The following PRR5L variants were observed in gnomAD, a reference collection of about 807,000 sequenced individuals.
PRR5L encodes the protein proline-rich protein 5-like.
In PRR5L, 21 loss-of-function variants were observed where a neutral mutation model predicts 36.4. The ratio of observed to expected loss-of-function variants is 0.58; its 90% CI spans 0.41 to 0.83. The LOEUF is 0.83. Ranked by LOEUF, PRR5L falls within the 40% of genes least tolerant of loss-of-function variation. The pLI is 0.00. For missense variants in PRR5L, 381 were observed against 473.3 expected (o/e 0.80, Z 1.81); for synonymous variants, 188 against 197.0 (o/e 0.95, Z 0.38).
chr11:36,385,474 T>C (rs1857440320), intron 1 of PRR5L, among the ~76,000 whole-genome samples: 1 of 152,250 alleles, frequency 6.6e-6, no homozygotes, highest in South Asian at 2.1e-4. Flanking sequence ...GCATCTAAAT[T>C]GTCAGCTTTC....
intron 1 of PRR5L, among the ~76,000 whole-genome samples, chr11:36,327,947 G>A (rs1158210502): frequency 6.6e-6 from 1 of 152,126 alleles, no homozygotes; most frequent in Non-Finnish European, 1.5e-5. Flanking sequence ...CCAAAATCGA[G>A]CTGTAACCCA....
chr11:36,387,460 G>T (rs1410584489), intron 1 of PRR5L, among the ~76,000 whole-genome samples: 2 of 152,206 alleles, frequency 1.3e-5, no homozygotes, highest in Non-Finnish European at 2.9e-5. Flanking sequence ...TAAGACAGCT[G>T]CCAAGTTAAG....
intron 4 of PRR5L, among the ~76,000 whole-genome samples, chr11:36,431,171 C>G (rs1858484939): frequency 6.6e-6 from 1 of 152,100 alleles, no homozygotes; most frequent in Non-Finnish European, 1.5e-5. Context: ...GCTTACAGAC[C>G]CAGGAAGACC....
intron 8 of PRR5L, 113 bp from the exon 9 acceptor site, chr11:36,462,229 A>G: frequency 9.6e-7 from 1 of 1,042,698 alleles, no homozygotes; most frequent in Non-Finnish European, 1.3e-6. Context: ...GCTGCACCTA[A>G]GAGCTGCTCC....
chr11:36,323,869 T>C (rs1382893345), intron 1 of PRR5L, among the ~76,000 whole-genome samples: 1 of 152,082 alleles, frequency 6.6e-6, no homozygotes, highest in Non-Finnish European at 1.5e-5. Flanking sequence ...CTGGGCAACA[T>C]AGCAAGACTC....
rs1246574174 is a variant in PRR5L at position 36,431,891 on chromosome 11, G to A, written c.333G>A (p.Glu111=). The A allele has an allele frequency of 6.2e-7, 1 of 1,614,140 alleles. No homozygotes were observed. Among genetic ancestry groups the A allele is most frequent in the South Asian group, 1.1e-5 (1 of 91,080 alleles). ...CAAAAGGACTGTTCTTTGTGGAGGAGAAGATCAAGCTGTGTGAAGGCAAGT... is the reference window on the plus strand; with the variant it reads ...CAAAAGGACTGTTCTTTGTGGAGGAAAAGATCAAGCTGTGTGAAGGCAAGT... ...LLAKGLFFVE[E]KIKLCEGENR... The change falls in exon 5 of 9, where the codon GAG becomes GAA. Residue 111 remains glutamate (E), a synonymous_variant. Coordinates refer to ENST00000530639, the MANE Select transcript of PRR5L (RefSeq NM_001160167.2).
chr11:36,324,756 G>A (rs1033390846), intron 1 of PRR5L, among the ~76,000 whole-genome samples: 12 of 151,988 alleles, frequency 7.9e-5, no homozygotes, highest in Admixed American at 5.2e-4. Flanking sequence ...AGACAATACT[G>A]AAAACTAAAA....
chr11:36,383,632 G>T (rs73445118), intron 1 of PRR5L, among the ~76,000 whole-genome samples: 1 of 151,780 alleles, frequency 6.6e-6, no homozygotes, highest in East Asian at 1.9e-4. Flanking sequence ...TCTCTGCTTC[G>T]GTCTGCTGTA....
At chr11:36,440,607 A>G (rs992072296) in intron 6 of PRR5L, among the ~76,000 whole-genome samples, 1 of 152,224 alleles carries the variant, frequency 6.6e-6, no homozygotes, top group African/African-American at 2.4e-5. Flanking sequence ...AAAGAGGAAC[A>G]AAGTGGTTCA....
intron 1 of PRR5L, among the ~76,000 whole-genome samples, chr11:36,373,166 G>C (rs1321873165): frequency 6.6e-6 from 1 of 152,114 alleles, no homozygotes; most frequent in Non-Finnish European, 1.5e-5. Context: ...CAGGAGCCTT[G>C]ATTGGACTGA....
intron 4 of PRR5L, among the ~76,000 whole-genome samples, chr11:36,423,890 G>A (rs982946889): frequency 6.6e-6 from 1 of 152,220 alleles, no homozygotes; most frequent in African/African-American, 2.4e-5. Flanking sequence ...TGAGGGGCGA[G>A]AATGAGGGGG....
At chr11:36,375,001 G>A (rs909414787) in intron 1 of PRR5L, among the ~76,000 whole-genome samples, 20 of 152,212 alleles carry the variant, frequency 1.3e-4, no homozygotes, top group African/African-American at 4.6e-4. Context: ...TTGGGAGGCC[G>A]AGACATGTGG....
At chr11:36,446,489 G>A (rs751222412) in intron 7 of PRR5L, 49 bp downstream of exon 7, 15 of 1,604,158 alleles carry the variant, frequency 9.4e-6, no homozygotes, top group Admixed American at 1.7e-5. Flanking sequence ...GGGAGCGAGG[G>A]AAGAGATTGC....
intron 1 of PRR5L, among the ~76,000 whole-genome samples, chr11:36,380,175 C>A (rs188539894): frequency 6.6e-6 from 1 of 152,236 alleles, no homozygotes; most frequent in African/African-American, 2.4e-5. Flanking sequence ...GGTGGGTGAA[C>A]AATGAAGCCT....
Position 36,384,955 on chromosome 11 carries a change from G to A in PRR5L, c.-125-16042G>A, listed in dbSNP as rs1293021234. 2.6e-5 allele frequency among the ~76,000 whole-genome samples: 4 copies of A among 152,044 alleles called. No individual in the cohort carries two copies. In the South Asian group the frequency reaches 6.2e-4, roughly 24 times the overall value. Reference sequence around the variant, plus strand: ...TAAATTGCTGGGATTATAGGCATGAGGCACTGCACCCAGCCTTATCTCCTT... The same window carrying A: ...TAAATTGCTGGGATTATAGGCATGAAGCACTGCACCCAGCCTTATCTCCTT... On this transcript the variant is annotated intron_variant, in intron 1 of 8. Transcript: ENST00000530639.
At chr11:36,348,474 C>T (rs375622584) in intron 1 of PRR5L, among the ~76,000 whole-genome samples, 18 of 152,240 alleles carry the variant, frequency 1.2e-4, no homozygotes, top group South Asian at 8.3e-4. Context: ...ACCAAGTCCC[C>T]GCCTCTTCCG....
At chr11:36,368,878 T>C (rs1475047680) in intron 1 of PRR5L, among the ~76,000 whole-genome samples, 1 of 152,236 alleles carries the variant, frequency 6.6e-6, no homozygotes. Context: ...ATACAGTAAG[T>C]ATTGATAGAC....
rs1313266024 is a variant in PRR5L at position 36,446,338 on chromosome 11, C to A, written c.483C>A (p.Gly161=). ...ELTIRQISLL[G]FRDLVLLKVK... is the part of the protein sequence containing the mutation. The stretch of plus-strand genomic sequence containing the variant: ...CTATCCGCCAGATCTCCCTGCTGGG[C>A]TTCCGAGACCTAGTCTTGCTGAAGG... The change falls in exon 7 of 9, where the codon GGC becomes GGA. Residue 161 remains glycine (G), a synonymous_variant. Coordinates refer to ENST00000530639, the MANE Select transcript of PRR5L (RefSeq NM_001160167.2). The A allele has an allele frequency of 1.1e-5, 17 of 1,613,998 alleles. No homozygotes were observed. Among genetic ancestry groups the A allele is most frequent in the Non-Finnish European group, 1.4e-5 (17 of 1,180,034 alleles).
intron 1 of PRR5L, among the ~76,000 whole-genome samples, chr11:36,392,447 G>T (rs1857581802): frequency 6.6e-6 from 1 of 152,106 alleles, no homozygotes; most frequent in African/African-American, 2.4e-5. Context: ...GTATATGAAG[G>T]TTCCCTTTTC....
Sources: gnomAD v4.1 joint callset for allele counts (sites outside exome capture counted in the v4.1 genomes callset) on GRCh38, gnomAD v4.1.1 for gene constraint, MANE v1.5 for transcripts, NCBI Gene and HGNC (gene_info 2026-07-23, HGNC 2026-07-21) for gene names.